PPARGC1A: variants seen among roughly 807,000 people sequenced by gnomAD.
The protein encoded by PPARGC1A is peroxisome proliferator-activated receptor gamma coactivator 1-alpha.
In PPARGC1A, 25 loss-of-function variants were observed where a neutral mutation model predicts 88.7. That is an observed-to-expected ratio of 0.28 (90% CI 0.21 to 0.39). The LOEUF (loss-of-function observed/expected upper bound fraction) is 0.39, where lower values mean the gene tolerates loss of function less well. PPARGC1A is among the 10% of genes least tolerant of loss of function. The pLI is 1.00. For synonymous variants in PPARGC1A, 363 were observed against 355.6 expected (o/e 1.02, Z -0.24); for missense variants, 880 against 968.7 (o/e 0.91, Z 1.22).
the PPARGC1A span, among the ~76,000 whole-genome samples, chr4:24,234,810 G>A: frequency 3.9e-5 from 6 of 152,132 alleles, no homozygotes; most frequent in East Asian, 5.8e-4. Context: ...GGCTCAGCTC[G>A]TCATACTAAT....
chr4:24,163,359 T>C, the PPARGC1A span, among the ~76,000 whole-genome samples: 3 of 151,962 alleles, frequency 2.0e-5, no homozygotes, highest in Non-Finnish European at 4.4e-5. Context: ...GAATGTCTAA[T>C]GCAACCTCAT....
At chr4:23,979,957 T>C in the PPARGC1A span, among the ~76,000 whole-genome samples, 2 of 152,094 alleles carry the variant, frequency 1.3e-5, no homozygotes, top group Admixed American at 1.3e-4. Context: ...TCAGGGTAGA[T>C]GGCTCTCTCC....
At chr4:24,012,112 C>T in the PPARGC1A span, among the ~76,000 whole-genome samples, 14 of 152,082 alleles carry the variant, frequency 9.2e-5, no homozygotes, top group Admixed American at 5.2e-4. Context: ...AGTGATGGGG[C>T]GACTTGAAAA....
the PPARGC1A span, among the ~76,000 whole-genome samples, chr4:24,079,318 T>C: frequency 6.6e-6 from 1 of 152,018 alleles, no homozygotes; most frequent in Non-Finnish European, 1.5e-5. Context: ...TCTCAAAATC[T>C]TTATCAGTCA....
the PPARGC1A span, among the ~76,000 whole-genome samples, chr4:24,206,610 T>C: frequency 1.3e-5 from 2 of 152,116 alleles, no homozygotes; most frequent in African/African-American, 4.8e-5. Context: ...GGCAGGTTGA[T>C]CACTTGAGGC....
In PPARGC1A at chr4:23,792,645, C is replaced by T. The variant is rs1043821666; in HGVS notation, c.*3177G>A. The T allele has an allele frequency of 1.8e-4, 28 of 152,450 alleles. No individual in the cohort carries two copies. Among genetic ancestry groups the T allele is most frequent in the African/African-American group, 6.3e-4 (26 of 41,386 alleles). The allele number at this position is 152,450 out of a possible 1,614,324, so 9.4% of individuals were successfully genotyped here. A position where few individuals can be genotyped will look rare whatever the true frequency, so the allele number is the denominator to read the frequency against. On this transcript the variant is annotated 3_prime_UTR_variant, in exon 13 of 13. Coordinates refer to ENST00000264867, the MANE Select transcript of PPARGC1A (RefSeq NM_013261.5). ...AATCCACATTACTAAAGCACCAGTT[C>T]GGTTACCAAAATTGTAGATGTGGTA...
the PPARGC1A span, among the ~76,000 whole-genome samples, chr4:24,248,279 C>A: frequency 6.6e-6 from 1 of 152,118 alleles, no homozygotes; most frequent in Non-Finnish European, 1.5e-5. Context: ...CGCCCGCCAC[C>A]ACGCCCGGCT....
chr4:24,229,789 G>A, the PPARGC1A span, among the ~76,000 whole-genome samples: 179 of 150,140 alleles, frequency 1.2e-3, 1 homozygote, highest in African/African-American at 4.2e-3. Context: ...AGATTGCAGT[G>A]AGCCAAGATG....
the PPARGC1A span, among the ~76,000 whole-genome samples, chr4:24,204,675 C>A: frequency 6.6e-6 from 1 of 152,046 alleles, no homozygotes; most frequent in Non-Finnish European, 1.5e-5. Flanking sequence ...CCTTCCTTTG[C>A]GACTCAGTAA....
the PPARGC1A span, among the ~76,000 whole-genome samples, chr4:24,005,713 G>A: frequency 2.1e-3 from 315 of 152,228 alleles, 1 homozygote; most frequent in African/African-American, 7.2e-3. Context: ...CAATAAAACC[G>A]AAGGGGAGAA....
At chr4:24,444,892 A>T in the PPARGC1A span, among the ~76,000 whole-genome samples, 2 of 152,076 alleles carry the variant, frequency 1.3e-5, no homozygotes, top group African/African-American at 4.8e-5. Flanking sequence ...GTCTCTAGAA[A>T]AGTTGTAAAA....
the PPARGC1A span, among the ~76,000 whole-genome samples, chr4:23,930,817 C>T: frequency 0.022 from 3,366 of 152,228 alleles, 121 homozygotes; most frequent in African/African-American, 0.076. Context: ...GTCACATGTC[C>T]CCTATAATCT....
chr4:23,958,391 A>G, the PPARGC1A span, among the ~76,000 whole-genome samples: 3 of 152,136 alleles, frequency 2.0e-5, no homozygotes, highest in African/African-American at 7.2e-5. Flanking sequence ...CAATAAATAG[A>G]TTTCAGATGT....
chr4:24,342,220 CCTTA>C, the PPARGC1A span, among the ~76,000 whole-genome samples: 1 of 152,134 alleles, frequency 6.6e-6, no homozygotes, highest in African/African-American at 2.4e-5. Context: ...CTTATTGAGA[CCTTA>C]CTATGTGCCA....
At chr4:23,963,126 GA>G in the PPARGC1A span, among the ~76,000 whole-genome samples, 1 of 152,044 alleles carries the variant, frequency 6.6e-6, no homozygotes, top group Non-Finnish European at 1.5e-5. Context: ...GAGACCCCGT[GA>G]AAAAACCACA....
At chr4:24,295,227 GATGGT>G in the PPARGC1A span, among the ~76,000 whole-genome samples, 1 of 152,158 alleles carries the variant, frequency 6.6e-6, no homozygotes, top group African/African-American at 2.4e-5. Context: ...AAAGGAAAAG[GATGGT>G]AATAATCTCT....
the PPARGC1A span, among the ~76,000 whole-genome samples, chr4:24,111,180 T>C: frequency 1.3e-5 from 2 of 152,222 alleles, no homozygotes; most frequent in East Asian, 1.9e-4. Flanking sequence ...CACCTATTGA[T>C]TGTTAATTGA....
the PPARGC1A span, among the ~76,000 whole-genome samples, chr4:24,279,221 G>A: frequency 6.6e-6 from 1 of 152,170 alleles, no homozygotes; most frequent in East Asian, 1.9e-4. Context: ...TGAATTCAAT[G>A]CCTCTCCGTT....
At chr4:24,152,030 AAAG>A in the PPARGC1A span, among the ~76,000 whole-genome samples, 1 of 152,224 alleles carries the variant, frequency 6.6e-6, no homozygotes, top group South Asian at 2.1e-4. Context: ...GGAGCAAACT[AAAG>A]AAGGAAAGAG....
Sources: allele counts gnomAD v4.1 joint callset (sites outside exome capture counted in the v4.1 genomes callset), GRCh38; gene constraint gnomAD v4.1.1; transcripts MANE v1.5; gene names NCBI Gene and HGNC (gene_info 2026-07-23, HGNC 2026-07-21).